VPS13B: variants seen among roughly 807,000 people sequenced by gnomAD.
VPS13B encodes the protein vacuolar protein sorting 13 homolog B, also known as intermembrane lipid transfer protein VPS13B.
VPS13B carries 285 observed loss-of-function variants against 426.4 expected under a neutral mutation model. The ratio of observed to expected loss-of-function variants is 0.67; its 90% CI spans 0.61 to 0.74. VPS13B has a LOEUF of 0.74. VPS13B is among the 30% of genes least tolerant of loss of function. The probability of loss-of-function intolerance (pLI) is 0.00; values close to 1 mark genes in which losing one functional copy is unlikely to be tolerated. For synonymous variants in VPS13B, 1,676 were observed against 1,676.4 expected (o/e 1.00, Z 0.01); for missense variants, 4,537 against 4,782.6 (o/e 0.95, Z 1.51).
intron 23 of VPS13B, among the ~76,000 whole-genome samples, chr8:99,452,194 G>A (rs758082532): frequency 1.4e-4 from 21 of 152,052 alleles, no homozygotes; most frequent in Non-Finnish European, 1.8e-4. Context: ...TAAGCACAGC[G>A]CTGTCCTATC....
chr8:99,439,451 T>C (rs534984727), intron 22 of VPS13B, among the ~76,000 whole-genome samples: 5 of 152,130 alleles, frequency 3.3e-5, no homozygotes, highest in Non-Finnish European at 7.4e-5. Context: ...CAGTTCATGA[T>C]AGATATTAGA....
At chr8:99,482,528 C>T (rs1820098797) in intron 25 of VPS13B, among the ~76,000 whole-genome samples, 1 of 152,082 alleles carries the variant, frequency 6.6e-6, no homozygotes, top group Non-Finnish European at 1.5e-5. Context: ...TAGTCACATG[C>T]AATTACTGTG....
In VPS13B at chr8:99,152,565, T is replaced by TA. The variant is rs763187014; in HGVS notation, c.2014-3984_2014-3983insA. ...TTGATTTTCTGTCTGCTGGAACTGA[T>TA]TATATCTGATAGAGGGATATTGAAG... On this transcript the variant is annotated intron_variant, in intron 14 of 61. Transcript: ENST00000357162. 2.0e-3 allele frequency among the ~76,000 whole-genome samples: 301 copies of TA among 152,354 alleles called. 6 individuals are homozygous for TA. Among genetic ancestry groups the TA allele is most frequent in the Non-Finnish European group, 1.3e-3 (87 of 68,038 alleles).
intron 33 of VPS13B, among the ~76,000 whole-genome samples, chr8:99,578,541 T>C (rs1462315572): frequency 6.6e-6 from 1 of 152,106 alleles, no homozygotes; most frequent in Non-Finnish European, 1.5e-5. Context: ...AATCATCCTT[T>C]ACTAGCCATG....
chr8:99,134,510 C>T, intron 8 of VPS13B, 122 bp from the exon 9 acceptor site: 4 of 770,456 alleles, frequency 5.2e-6, no homozygotes, highest in East Asian at 2.8e-5. Flanking sequence ...TGCTTTCCTG[C>T]TTAATATTTA....
At chr8:99,374,588 T>C (rs1375462013) in intron 19 of VPS13B, among the ~76,000 whole-genome samples, 1 of 152,146 alleles carries the variant, frequency 6.6e-6, no homozygotes, top group Non-Finnish European at 1.5e-5. Flanking sequence ...CAGTAGTTTT[T>C]AATGTAATGT....
intron 61 of VPS13B, among the ~76,000 whole-genome samples, chr8:99,872,358 AG>A (rs1380850940): frequency 1.3e-5 from 2 of 152,294 alleles, no homozygotes; most frequent in East Asian, 3.9e-4. Context: ...TCTTTCCCAC[AG>A]GATAGTTTCC....
intron 51 of VPS13B, 139 bp from the exon 52 acceptor site, chr8:99,832,230 C>G: frequency 7.8e-7 from 1 of 1,281,604 alleles, no homozygotes; most frequent in Non-Finnish European, 1.0e-6. Context: ...CCACTGCACT[C>G]CCGCCTGCGT....
intron 3 of VPS13B, among the ~76,000 whole-genome samples, chr8:99,046,413 A>T (rs1843243682): frequency 6.7e-6 from 1 of 148,938 alleles, no homozygotes; most frequent in Non-Finnish European, 1.5e-5. Flanking sequence ...ACTTTGTTGA[A>T]TTTTTTTTTT....
chr8:99,106,083 A>T (rs1039474793), intron 5 of VPS13B, among the ~76,000 whole-genome samples: 3 of 151,914 alleles, frequency 2.0e-5, no homozygotes, highest in Non-Finnish European at 2.9e-5. Flanking sequence ...GTTTTTTTTT[A>T]AATAATTTTT....
At chr8:99,853,123 C>G (rs2130915480) in intron 55 of VPS13B, among the ~76,000 whole-genome samples, 1 of 152,220 alleles carries the variant, frequency 6.6e-6, no homozygotes, top group South Asian at 2.1e-4. Flanking sequence ...ACTTTATTAT[C>G]TCTTTCTGTC....
intron 44 of VPS13B, among the ~76,000 whole-genome samples, chr8:99,816,853 T>C (rs1294946870): frequency 6.6e-6 from 1 of 152,080 alleles, no homozygotes; most frequent in Non-Finnish European, 1.5e-5. Context: ...ATTAGATATC[T>C]GCATCAAAGA....
chr8:99,457,585 A>AT (rs1427207883), intron 23 of VPS13B, among the ~76,000 whole-genome samples: 1 of 150,786 alleles, frequency 6.6e-6, no homozygotes, highest in Non-Finnish European at 1.5e-5. Flanking sequence ...TTTTCATTTC[A>AT]TTGATTTCAG....
chr8:99,710,534 TG>T (rs1832669921), intron 36 of VPS13B, among the ~76,000 whole-genome samples: 1 of 152,156 alleles, frequency 6.6e-6, no homozygotes, highest in South Asian at 2.1e-4. Flanking sequence ...TGATGTCCCA[TG>T]GGCTGGCTTC....
chr8:99,713,945 G>A (rs560885686), intron 36 of VPS13B, among the ~76,000 whole-genome samples: 1 of 152,238 alleles, frequency 6.6e-6, no homozygotes, highest in African/African-American at 2.4e-5. Context: ...TTTGAGACCA[G>A]CCTGGCCAAC....
intron 17 of VPS13B, among the ~76,000 whole-genome samples, chr8:99,268,002 A>C (rs1466199692): frequency 6.6e-6 from 1 of 152,154 alleles, no homozygotes; most frequent in Non-Finnish European, 1.5e-5. Context: ...AGTCATGGGC[A>C]AAAGGGGTCA....
chr8:99,641,749 ATTGT>A, intron 33 of VPS13B, 58 bp from the exon 34 acceptor site: 1 of 1,464,640 alleles, frequency 6.8e-7, no homozygotes. Context: ...TTTATATAAC[ATTGT>A]TTATATGACA....
intron 25 of VPS13B, among the ~76,000 whole-genome samples, chr8:99,491,756 A>G (rs890405862): frequency 6.6e-6 from 1 of 152,154 alleles, no homozygotes; most frequent in African/African-American, 2.4e-5. Flanking sequence ...CTAGTTAGCC[A>G]TTCATCTAAC....
At chr8:99,311,559 T>G (rs1054625247) in intron 19 of VPS13B, among the ~76,000 whole-genome samples, 33 of 152,356 alleles carry the variant, frequency 2.2e-4, no homozygotes, top group Admixed American at 2.1e-3. Context: ...TTCTGTTCTT[T>G]TACATTTGCT....
Sources: gnomAD v4.1 joint callset for allele counts (sites outside exome capture counted in the v4.1 genomes callset) on GRCh38, gnomAD v4.1.1 for gene constraint, MANE v1.5 for transcripts, NCBI Gene and HGNC (gene_info 2026-07-23, HGNC 2026-07-21) for gene names.